The following CASTOR2 variants were observed in gnomAD, a reference collection of about 807,000 sequenced individuals.
CASTOR2 encodes the protein cytosolic arginine sensor for mTORC1 subunit 2.
A neutral mutation model predicts 31.2 loss-of-function variants in CASTOR2; 8 were observed. The ratio of observed to expected loss-of-function variants is 0.26; its 90% CI spans 0.15 to 0.46. CASTOR2 has a LOEUF of 0.46. Among genes scored for constraint, CASTOR2 ranks in the 20% least tolerant of loss-of-function variants. CASTOR2 has a pLI of 0.99. For synonymous variants in CASTOR2, 162 were observed against 158.7 expected (o/e 1.02, Z -0.16); for missense variants, 216 against 382.1 (o/e 0.57, Z 3.62).
At chr7:74,997,276 T>C (rs1323731699) in intron 1 of CASTOR2, among the ~76,000 whole-genome samples, 1 of 152,054 alleles carries the variant, frequency 6.6e-6, no homozygotes, top group Non-Finnish European at 1.5e-5. Context: ...TTGCCCAGGC[T>C]GGTCACCTGG....
chr7:75,007,686 TCCCTC>T (rs1804636729), intron 1 of CASTOR2, among the ~76,000 whole-genome samples: 1 of 151,936 alleles, frequency 6.6e-6, no homozygotes. Context: ...GGCCACTTCT[TCCCTC>T]CGAGAAAACT....
Position 74,993,445 on chromosome 7 carries a change from CT to C in CASTOR2, c.114-14526del, listed in dbSNP as rs1156811360. On this transcript the variant is annotated intron_variant, in intron 1 of 8. Transcript: ENST00000616305. ...TGGTTCCCTGAAGGTCCTCCTTTGTCTTTTTTTTTTTTTTTTTTTTTTTGAG... is the reference window on the plus strand; with the variant it reads ...TGGTTCCCTGAAGGTCCTCCTTTGTCTTTTTTTTTTTTTTTTTTTTTTGAG... Among the ~76,000 whole-genome samples, 269 of 77,554 alleles carry C rather than the reference CT, an allele frequency of 3.5e-3. 2 individuals carry two copies. Among genetic ancestry groups the C allele is most frequent in the Admixed American group, 4.5e-3 (28 of 6,256 alleles). 50.9% of individuals were successfully genotyped at this position (77,554 alleles called of 152,430 possible). A position where few individuals can be genotyped will look rare whatever the true frequency, so the allele number is the denominator to read the frequency against.
intron 2 of CASTOR2, among the ~76,000 whole-genome samples, chr7:75,010,258 A>G (rs1391769958): frequency 2.6e-5 from 4 of 152,038 alleles, no homozygotes; most frequent in Non-Finnish European, 5.9e-5. Context: ...AACATGTCAG[A>G]GGAGAGTTGA....
chr7:74,983,746 C>T (rs1406787634), intron 1 of CASTOR2, among the ~76,000 whole-genome samples: 2 of 150,346 alleles, frequency 1.3e-5, no homozygotes, highest in Non-Finnish European at 3.0e-5. Flanking sequence ...TCTCTCTCCA[C>T]TCTGCTGTTC....
At chr7:75,020,581 C>A (rs1290620434) in intron 6 of CASTOR2, among the ~76,000 whole-genome samples, 1 of 151,856 alleles carries the variant, frequency 6.6e-6, no homozygotes, top group African/African-American at 2.4e-5. Context: ...AGCTCCACCT[C>A]CCGGGTTCAT....
chr7:74,990,389 AAAAAACAAAAAC>A (rs1226133754), intron 1 of CASTOR2, among the ~76,000 whole-genome samples: 1 of 151,166 alleles, frequency 6.6e-6, no homozygotes, highest in East Asian at 1.9e-4. Context: ...TCTCAAAAAA[AAAAAACAAAAAC>A]AAAAAACAAC....
At chr7:74,985,613 C>T (rs1419826774) in intron 1 of CASTOR2, among the ~76,000 whole-genome samples, 1 of 122,192 alleles carries the variant, frequency 8.2e-6, no homozygotes, top group Non-Finnish European at 1.8e-5. Context: ...AAAAAAGAAT[C>T]ATTGTGAGGG....
intron 1 of CASTOR2, among the ~76,000 whole-genome samples, chr7:74,987,676 CTG>C (rs1452891458): frequency 3.9e-5 from 6 of 152,302 alleles, no homozygotes; most frequent in Admixed American, 2.6e-4. Context: ...AAGACAGAGA[CTG>C]AGCAGTGAGA....
At chr7:75,009,328 G>A (rs1384926083) in intron 2 of CASTOR2, among the ~76,000 whole-genome samples, 5 of 124,494 alleles carry the variant, frequency 4.0e-5, no homozygotes, top group African/African-American at 1.3e-4. Context: ...GGAGTGCAGT[G>A]GTGTGATCTC....
chr7:75,020,073 G>A lies in CASTOR2; in HGVS notation c.670G>A (p.Gly224Ser), dbSNP rs1211900037. Residue 224 changes from glycine to serine, a missense_variant, in exon 6 of 9, where the codon GGC becomes AGC. Around this residue, in one of 5 missense-constraint regions of CASTOR2, gnomAD observed 44 missense variants for 57.5 expected, o/e 0.76. Transcript: ENST00000616305. The part of the protein sequence containing the change: ...KDPMATGDDC[G>S]HIRFFSFSLI... ...CCCCATGGCCACTGGGGATGACTGC[G>A]GCCACATCCGCTTCTTCTCCTTCTC... The A allele has an allele frequency of 3.0e-5, 47 of 1,551,298 alleles. No individual in the cohort carries two copies. The Admixed American group carries it at 3.3e-4, about 11-fold the overall frequency.
chr7:74,974,294 A>G (rs1803746416), intron 1 of CASTOR2, among the ~76,000 whole-genome samples: 1 of 148,396 alleles, frequency 6.7e-6, no homozygotes, highest in Non-Finnish European at 1.5e-5. Flanking sequence ...TGCTCTGTTC[A>G]CTGAGAAACC....
chr7:74,998,228 C>A (rs2131937503), intron 1 of CASTOR2, among the ~76,000 whole-genome samples: 1 of 152,198 alleles, frequency 6.6e-6, no homozygotes, highest in East Asian at 1.9e-4. Context: ...TAAGGTCACA[C>A]TGATTACAGA....
chr7:74,978,388 GCCACCGC>G (rs1803875839), intron 1 of CASTOR2, among the ~76,000 whole-genome samples: 1 of 124,120 alleles, frequency 8.1e-6, no homozygotes, highest in African/African-American at 3.1e-5. Flanking sequence ...ACAGGCATGA[GCCACCGC>G]GCCTGGCCAT....
intron 1 of CASTOR2, among the ~76,000 whole-genome samples, chr7:74,983,303 T>C (rs587626822): frequency 5.3e-5 from 8 of 151,098 alleles, no homozygotes; most frequent in Admixed American, 1.3e-4. Flanking sequence ...TGAGCCACTA[T>C]GCCCGGCCAC....
In CASTOR2 at chr7:75,026,337, G is replaced by C. The variant is rs1457078725; in HGVS notation, c.*1638G>C. On this transcript the variant is annotated 3_prime_UTR_variant, in exon 9 of 9. Transcript: ENST00000616305. Reference sequence around the variant, plus strand: ...CCCAAGTAGCTGGGATTACAGGCACGCACCACCACGTCTGGCTAGTTATTG... The same window carrying C: ...CCCAAGTAGCTGGGATTACAGGCACCCACCACCACGTCTGGCTAGTTATTG... Among the ~76,000 whole-genome samples the C allele has an allele frequency of 6.6e-6, 1 of 151,914 alleles. No individual in the cohort carries two copies. The highest frequency in any genetic ancestry group is 1.5e-5 in the Non-Finnish European group (1 of 67,968).
At position 75,027,851 on chromosome 7, in the gene CASTOR2, G is replaced by C; in HGVS notation, c.*3152G>C. The C allele has an allele frequency of 1.4e-6, 1 of 703,328 alleles. No individual in the cohort carries two copies. Among genetic ancestry groups the C allele is most frequent in the Non-Finnish European group, 2.5e-6 (1 of 400,138 alleles). The allele number at this position is 703,328 out of a possible 1,614,324, so 43.6% of individuals were successfully genotyped here. On this transcript the variant is annotated 3_prime_UTR_variant, in exon 9 of 9. Transcript: ENST00000616305. Reference sequence around the variant, plus strand: ...CACAGCTCTTCGGGGTGGGGTGTGAGTGTGGTTTTTCCCAGGCAGGGGCCG... The same window carrying C: ...CACAGCTCTTCGGGGTGGGGTGTGACTGTGGTTTTTCCCAGGCAGGGGCCG...
chr7:75,017,940 A>G lies in CASTOR2; in HGVS notation c.379-50A>G, dbSNP rs2131954190. 5.0e-6 allele frequency: 8 copies of G among 1,613,972 alleles called. 1 individual carries two copies. The South Asian group carries it at 8.8e-5, about 18-fold the overall frequency. On this transcript the variant is annotated intron_variant, in intron 3 of 8. Transcript: ENST00000616305. ...GGTGAGAGGTCGGTGCCCCAGACCC[A>G]CATCCCCCAGGGCCACCAGGCACAC... is the stretch of plus-strand genomic sequence containing the variant.
intron 1 of CASTOR2, among the ~76,000 whole-genome samples, chr7:74,992,801 G>T (rs1184646178): frequency 6.6e-6 from 1 of 152,120 alleles, no homozygotes; most frequent in Non-Finnish European, 1.5e-5. Context: ...TACTTGGGAG[G>T]CTGAGGCAGG....
intron 1 of CASTOR2, among the ~76,000 whole-genome samples, chr7:74,986,501 A>G (rs1554436755): frequency 1.3e-5 from 2 of 151,476 alleles, no homozygotes; most frequent in African/African-American, 4.8e-5. Context: ...AAAAAAAAAA[A>G]AAAGAAAAGA....
Sources: gnomAD v4.1 joint callset for allele counts (sites outside exome capture counted in the v4.1 genomes callset) on GRCh38, gnomAD v4.1.1 for gene constraint, gnomAD v4.1.1 regional missense constraint, MANE v1.5 for transcripts, NCBI Gene and HGNC (gene_info 2026-07-23, HGNC 2026-07-21) for gene names.